Variants in C22orf15 observed in about 807,000 individuals in gnomAD.
C22orf15 encodes the protein chromosome 22 open reading frame 15.
C22orf15 carries 21 observed loss-of-function variants against 20.3 expected under a neutral mutation model. The ratio of observed to expected loss-of-function variants is 1.04; its 90% CI spans 0.74 to 1.49. The LOEUF is 1.49. Among genes scored for constraint, C22orf15 ranks in the 40% most tolerant of loss-of-function variants. The pLI is 0.00. For synonymous variants in C22orf15, 78 were observed against 75.4 expected (o/e 1.03, Z -0.18); for missense variants, 170 against 191.1 (o/e 0.89, Z 0.65).
intron 5 of C22orf15, chr22:23,765,177 A>G: frequency 7.0e-7 from 1 of 1,437,846 alleles, no homozygotes; most frequent in Non-Finnish European, 9.1e-7. Flanking sequence ...GGGCTGGCAC[A>G]CAGTAGGAGC....
intron 1 of C22orf15, 91 bp from the exon 2 acceptor site, chr22:23,763,996 G>A: frequency 7.7e-7 from 1 of 1,293,440 alleles, no homozygotes; most frequent in Non-Finnish European, 1.1e-6. Context: ...TCGCAGCTCT[G>A]GGAAAGGGAG....
intron 5 of C22orf15, chr22:23,765,136 A>C (rs1247191312): frequency 1.2e-5 from 17 of 1,434,826 alleles, no homozygotes; most frequent in Non-Finnish European, 1.4e-5. Context: ...TAAGGGCCGG[A>C]ATGTCCTCAG....
At position 23,765,800 on chromosome 22, in the gene C22orf15, G is replaced by A; in HGVS notation, c.*68G>A. The A allele has an allele frequency of 6.5e-7, 1 of 1,542,456 alleles. No individual in the cohort carries two copies. Among genetic ancestry groups the A allele is most frequent in the Non-Finnish European group, 8.8e-7 (1 of 1,141,022 alleles). On this transcript the variant is annotated 3_prime_UTR_variant, in exon 6 of 6. Coordinates refer to ENST00000402217, the MANE Select transcript of C22orf15 (RefSeq NM_182520.3). ...CACCTCATCAGCCAGGGAGCTCCCT[G>A]AAGACAGGCCATCGAGAGAGGCACA... is the stretch of plus-strand genomic sequence containing the variant.
intron 2 of C22orf15, 43 bp downstream of exon 2, chr22:23,764,216 G>C: frequency 6.4e-7 from 1 of 1,551,582 alleles, no homozygotes; most frequent in East Asian, 2.4e-5. Flanking sequence ...GGGGTCCCAG[G>C]CAGGGGTGCC....
chr22:23,764,489 C>A, intron 3 of C22orf15, 92 bp downstream of exon 3: 1 of 1,583,080 alleles, frequency 6.3e-7, no homozygotes, highest in Non-Finnish European at 8.7e-7. Flanking sequence ...CCCTGTCCGG[C>A]CTCCCACCTC....
At position 23,764,916 on chromosome 22, in the gene C22orf15, C is replaced by A; in HGVS notation, c.435+14C>A. 1 of 1,600,526 alleles carries A rather than the reference C, an allele frequency of 6.2e-7. No individual in the cohort carries two copies. The highest frequency in any genetic ancestry group is 8.5e-7 in the Non-Finnish European group (1 of 1,171,910). On this transcript the variant is annotated intron_variant, in intron 5 of 5. Coordinates refer to ENST00000402217, the MANE Select transcript of C22orf15 (RefSeq NM_182520.3). The stretch of plus-strand genomic sequence containing the variant: ...AGGCCCAGAAAGGTGAGCTCCCTGC[C>A]ACCCAGGAGTTGCTAGCTGGGGCAG...
In C22orf15 at chr22:23,763,331, G is replaced by A. The variant is rs868056869; in HGVS notation, c.25G>A (p.Ala9Thr). 33 of 1,549,116 alleles carry A rather than the reference G, an allele frequency of 2.1e-5. No individual in the cohort carries two copies. In the African/African-American group the frequency reaches 3.3e-4, roughly 15 times the overall value. The change falls in exon 1 of 6, where the codon GCT becomes ACT. Residue 9 changes from alanine (A) to threonine (T), a missense_variant and splice_region_variant. Coordinates refer to ENST00000402217, the MANE Select transcript of C22orf15 (RefSeq NM_182520.3). MFIKVMFG[A>T]GCSVLVNTSC... ...TATGTTTATCAAGGTGATGTTTGGG[G>A]GTAAGTGGGGTCCCCTGTCTTGGTA... is the stretch of plus-strand genomic sequence containing the variant.
At position 23,765,816 on chromosome 22, in the gene C22orf15, G is replaced by A; in HGVS notation, c.*84G>A. 1 of 1,533,384 alleles carries A rather than the reference G, an allele frequency of 6.5e-7. No individual in the cohort carries two copies. Among genetic ancestry groups the A allele is most frequent in the South Asian group, 1.2e-5 (1 of 82,882 alleles). The allele number at this position is 1,533,384 out of a possible 1,614,324, so 95.0% of individuals were successfully genotyped here. A position where few individuals can be genotyped will look rare whatever the true frequency, so the allele number is the denominator to read the frequency against. ...GAGCTCCCTGAAGACAGGCCATCGA[G>A]AGAGGCACACAACAGGCTGTGGTCT... On this transcript the variant is annotated 3_prime_UTR_variant, in exon 6 of 6. Coordinates refer to ENST00000402217, the MANE Select transcript of C22orf15 (RefSeq NM_182520.3).
chr22:23,764,990 G>A, intron 5 of C22orf15, 88 bp downstream of exon 5: 1 of 1,521,620 alleles, frequency 6.6e-7, no homozygotes, highest in South Asian at 1.3e-5. Context: ...CACCCAGAGT[G>A]GGATCCCTTC....
intron 5 of C22orf15, chr22:23,765,246 G>A (rs892428988): frequency 6.8e-6 from 10 of 1,476,294 alleles, no homozygotes; most frequent in African/African-American, 2.8e-5. Flanking sequence ...GTGATGGCAC[G>A]GCCCACACTG....
At position 23,764,550 on chromosome 22, in the gene C22orf15, C is replaced by T. The variant is rs1222211610; in HGVS notation, c.251-89C>T. ...CCCTACCCAATGCTCTGCTCCCAGCCTGGACTAGCAAACAGTTCCAGAGTG... is the reference window on the plus strand; with the variant it reads ...CCCTACCCAATGCTCTGCTCCCAGCTTGGACTAGCAAACAGTTCCAGAGTG... On this transcript the variant is annotated intron_variant, in intron 3 of 5. Coordinates refer to ENST00000402217, the MANE Select transcript of C22orf15 (RefSeq NM_182520.3). 4 of 1,566,054 alleles carry T rather than the reference C, an allele frequency of 2.6e-6. No individual in the cohort carries two copies. The Admixed American group carries it at 5.0e-5, about 20-fold the overall frequency.
chr22:23,763,462 T>G, intron 1 of C22orf15, 131 bp downstream of exon 1: 20 of 969,344 alleles, frequency 2.1e-5, no homozygotes, highest in Non-Finnish European at 2.2e-5. Context: ...GCGGGGGTCG[T>G]CGGGGAAGCG....
chr22:23,764,226 C>T (rs1314319444), intron 2 of C22orf15, 34 bp from the exon 3 acceptor site: 2 of 1,551,436 alleles, frequency 1.3e-6, no homozygotes. Flanking sequence ...GCAGGGGTGC[C>T]AGCCCTGCCC....
At position 23,763,182 on chromosome 22, in the gene C22orf15, C is replaced by A; in HGVS notation, c.-125C>A. 7.5e-7 allele frequency: 1 copy of A among 1,335,338 alleles called. No individual in the cohort carries two copies. Among genetic ancestry groups the A allele is most frequent in the Non-Finnish European group, 1.0e-6 (1 of 962,418 alleles). The allele number at this position is 1,335,338 out of a possible 1,614,324, so 82.7% of individuals were successfully genotyped here. ...GCCCTGGGACCCAGCCATCCACACT[C>A]ACACATCCACTTCTCCCTCCAGAGC... On this transcript the variant is annotated 5_prime_UTR_variant, in exon 1 of 6. Coordinates refer to ENST00000402217, the MANE Select transcript of C22orf15 (RefSeq NM_182520.3).
intron 1 of C22orf15, 99 bp from the exon 2 acceptor site, chr22:23,763,988 G>A: frequency 1.7e-6 from 2 of 1,189,060 alleles, no homozygotes; most frequent in South Asian, 2.7e-5. Context: ...AGGCCCAGTC[G>A]CAGCTCTGGG....
In C22orf15 at chr22:23,763,096, G is replaced by C. The variant is rs2145913795; in HGVS notation, c.-211G>C. The C allele has an allele frequency of 1.6e-6, 1 of 606,306 alleles. No homozygotes were observed. Among genetic ancestry groups the C allele is most frequent in the African/African-American group, 1.9e-5 (1 of 52,568 alleles). The allele number at this position is 606,306 out of a possible 1,614,324, so 37.6% of individuals were successfully genotyped here. ...AGAGGAGGCCAGGAGTCTTGGACTAGCTGCAGGGTTTGAGCTAGGCTGAAG... is the reference window on the plus strand; with the variant it reads ...AGAGGAGGCCAGGAGTCTTGGACTACCTGCAGGGTTTGAGCTAGGCTGAAG... On this transcript the variant is annotated 5_prime_UTR_variant, in exon 1 of 6. It removes the in-frame stop codon of an upstream open reading frame in the 5' UTR. Transcript: ENST00000402217.
Position 23,765,658 on chromosome 22 carries a change from C to T in C22orf15, c.436-63C>T, listed in dbSNP as rs1015347538. Reference sequence around the variant, plus strand: ...CCTCTCCACCTCACTCTGGACTGCCCAAGGAATCTGTCCTGTGCTACCCAC... The same window carrying T: ...CCTCTCCACCTCACTCTGGACTGCCTAAGGAATCTGTCCTGTGCTACCCAC... On this transcript the variant is annotated intron_variant, in intron 5 of 5. Coordinates refer to ENST00000402217, the MANE Select transcript of C22orf15 (RefSeq NM_182520.3). 11 of 1,522,520 alleles carry T rather than the reference C, an allele frequency of 7.2e-6. No individual in the cohort carries two copies. In the African/African-American group the frequency reaches 1.4e-4, roughly 19 times the overall value. The allele number at this position is 1,522,520 out of a possible 1,614,324, so 94.3% of individuals were successfully genotyped here.
chr22:23,763,955 C>G (rs1926161371), intron 1 of C22orf15, 132 bp from the exon 2 acceptor site: 2 of 808,634 alleles, frequency 2.5e-6, no homozygotes, highest in Non-Finnish European at 4.0e-6. Flanking sequence ...AGCTGTTATG[C>G]CCGGGGCACA....
chr22:23,765,161 G>T (rs1282677368), intron 5 of C22orf15: 1 of 1,436,562 alleles, frequency 7.0e-7, no homozygotes, highest in Non-Finnish European at 9.1e-7. Context: ...CACAGATGTG[G>T]CATAGGGGCT....
Sources: allele counts gnomAD v4.1 joint callset, GRCh38; gene constraint gnomAD v4.1.1; transcripts MANE v1.5; gene names NCBI Gene and HGNC (gene_info 2026-07-23, HGNC 2026-07-21).